DIPK2A: variants seen among roughly 807,000 people sequenced by gnomAD.
DIPK2A encodes divergent protein kinase domain 2A.
Under a neutral mutation model 39.0 loss-of-function variants are expected in DIPK2A, and 27 were observed. The observed-to-expected ratio is 0.69, with a 90% CI of 0.51 to 0.96. The LOEUF (loss-of-function observed/expected upper bound fraction) is 0.96, where lower values mean the gene tolerates loss of function less well. Ranked by LOEUF, DIPK2A falls within the 40% of genes least tolerant of loss-of-function variation. The pLI, the probability that DIPK2A is intolerant of heterozygous loss-of-function variation, is 0.00. For missense variants in DIPK2A, 528 were observed against 571.3 expected (o/e 0.92, Z 0.77); for synonymous variants, 298 against 240.8 (o/e 1.24, Z -2.20).
chr3:143,983,569 A>G (rs1267408481), intron 1 of DIPK2A, among the ~76,000 whole-genome samples: 3 of 152,198 alleles, frequency 2.0e-5, no homozygotes, highest in Admixed American at 1.3e-4. Context: ...TGTTTAGAGG[A>G]AAATCTATAG....
chr3:143,988,453 G>A (rs541832500), intron 2 of DIPK2A, among the ~76,000 whole-genome samples: 61 of 152,140 alleles, frequency 4.0e-4, no homozygotes, highest in African/African-American at 1.2e-3. Context: ...TCCATCTATT[G>A]CCCTTGGTGC....
At chr3:143,977,536 T>C (rs948102900) in intron 1 of DIPK2A, among the ~76,000 whole-genome samples, 4 of 152,038 alleles carry the variant, frequency 2.6e-5, no homozygotes, top group African/African-American at 9.7e-5. Context: ...TGTGAGGCAA[T>C]AGTGTGCAAA....
rs958916226 is a variant in DIPK2A, at chr3:143,971,930, T to C, written c.-403T>C. ...TCCCTCCTTTCCTCGCAGACCCCACTTGTCGTGGCTGGCTGCCGCCGCAGC... is the reference window on the plus strand; with the variant it reads ...TCCCTCCTTTCCTCGCAGACCCCACCTGTCGTGGCTGGCTGCCGCCGCAGC... On this transcript the variant is annotated 5_prime_UTR_variant, in exon 1 of 3. Coordinates refer to ENST00000315691, the MANE Select transcript of DIPK2A (RefSeq NM_173552.5). 5 of 189,896 alleles carry C rather than the reference T, an allele frequency of 2.6e-5. No individual in the cohort carries two copies. Among genetic ancestry groups the C allele is most frequent in the Non-Finnish European group, 5.3e-5 (5 of 93,518 alleles). 11.8% of individuals were successfully genotyped at this position (189,896 alleles called of 1,614,324 possible). A position where few individuals can be genotyped will look rare whatever the true frequency, so the allele number is the denominator to read the frequency against.
At chr3:143,986,862 AT>A (rs1342001959) in intron 2 of DIPK2A, among the ~76,000 whole-genome samples, 1 of 146,258 alleles carries the variant, frequency 6.8e-6, no homozygotes, top group Non-Finnish European at 1.5e-5. Flanking sequence ...AGGGTTTTAT[AT>A]TTTTTAATCC....
At position 143,992,094 on chromosome 3, in the gene DIPK2A, A is replaced by C. The variant is rs2087995988; in HGVS notation, c.*2253A>C. On this transcript the variant is annotated 3_prime_UTR_variant, in exon 3 of 3. Transcript: ENST00000315691. Reference sequence around the variant, plus strand: ...AGGGAAAAATATGTAAGTGAAAAGCAATAAATATTTTGTTCACTTTGCTAT... The same window carrying C: ...AGGGAAAAATATGTAAGTGAAAAGCCATAAATATTTTGTTCACTTTGCTAT... 1 of 152,670 alleles carries C rather than the reference A, an allele frequency of 6.6e-6. No homozygotes were observed. Among genetic ancestry groups the C allele is most frequent in the Non-Finnish European group, 1.5e-5 (1 of 68,038 alleles). 9.5% of individuals were successfully genotyped at this position (152,670 alleles called of 1,614,324 possible).
intron 1 of DIPK2A, chr3:143,973,632 G>A: frequency 1.6e-6 from 2 of 1,268,046 alleles, no homozygotes; most frequent in African/African-American, 1.5e-5. Flanking sequence ...AGGCAGCGTT[G>A]GACTTGGGGC....
chr3:143,976,363 G>GA (rs376616926), intron 1 of DIPK2A, among the ~76,000 whole-genome samples: 4,402 of 148,052 alleles, frequency 0.03, 85 homozygotes, highest in Middle Eastern at 0.049. Flanking sequence ...GTAATCCTAT[G>GA]AAAAAAAAAA....
At chr3:143,984,973 A>G (rs1046360248) in intron 1 of DIPK2A, among the ~76,000 whole-genome samples, 4 of 152,170 alleles carry the variant, frequency 2.6e-5, no homozygotes, top group Non-Finnish European at 5.9e-5. Context: ...CCCCTACTAA[A>G]TGATCCCCTG....
In DIPK2A at chr3:143,990,978, C is replaced by T. The variant is rs1576815824; in HGVS notation, c.*1137C>T. 6.6e-6 allele frequency: 1 copy of T among 152,228 alleles called. No individual in the cohort carries two copies. Among genetic ancestry groups the T allele is most frequent in the East Asian group, 1.9e-4 (1 of 5,206 alleles). The allele number at this position is 152,228 out of a possible 1,614,324, so 9.4% of individuals were successfully genotyped here. A position where few individuals can be genotyped will look rare whatever the true frequency, so the allele number is the denominator to read the frequency against. On this transcript the variant is annotated 3_prime_UTR_variant, in exon 3 of 3. Transcript: ENST00000315691. ...TAGCCATTGTTTGAATTTAATCGGG[C>T]ATCATAACTTTTCATTTATTGAGGA...
intron 1 of DIPK2A, among the ~76,000 whole-genome samples, chr3:143,984,622 G>A (rs1338130391): frequency 6.6e-6 from 1 of 151,988 alleles, no homozygotes; most frequent in East Asian, 1.9e-4. Flanking sequence ...GCAGTGGAAG[G>A]TATCTTAGAT....
intron 1 of DIPK2A, among the ~76,000 whole-genome samples, chr3:143,981,785 A>G (rs569653042): frequency 3.2e-3 from 482 of 152,280 alleles, no homozygotes; most frequent in African/African-American, 0.011. Context: ...GTGTTAATCT[A>G]TCTTTTGAAT....
chr3:143,989,392 A>G, intron 2 of DIPK2A, 118 bp from the exon 3 acceptor site: 1 of 649,700 alleles, frequency 1.5e-6, no homozygotes, highest in Non-Finnish European at 2.6e-6. Flanking sequence ...TGGTTATAAT[A>G]TACTTTTACC....
chr3:143,972,506 C>T lies in DIPK2A; in HGVS notation c.174C>T (p.Cys58=), dbSNP rs769460359. 2 of 1,610,510 alleles carry T rather than the reference C, an allele frequency of 1.2e-6. No individual in the cohort carries two copies. Among genetic ancestry groups the T allele is most frequent in the South Asian group, 1.1e-5 (1 of 90,888 alleles). Reference sequence around the variant, plus strand: ...TGCAGCTCAATAAGTGCCCGGCGTGCTTCGGCACGAGCTGGTGCCGCCGCT... The same window carrying T: ...TGCAGCTCAATAAGTGCCCGGCGTGTTTCGGCACGAGCTGGTGCCGCCGCT... ...RFLQLNKCPA[C]FGTSWCRRFL... Residue 58 remains cysteine (C), a synonymous_variant, in exon 1 of 3, where the codon TGC becomes TGT. Transcript: ENST00000315691.
intron 1 of DIPK2A, among the ~76,000 whole-genome samples, chr3:143,980,935 G>A (rs1290256226): frequency 6.6e-6 from 1 of 152,122 alleles, no homozygotes; most frequent in African/African-American, 2.4e-5. Flanking sequence ...TTTTGGTCAT[G>A]TAGGAGAAAA....
At chr3:143,981,328 G>C (rs1361668162) in intron 1 of DIPK2A, among the ~76,000 whole-genome samples, 2 of 152,134 alleles carry the variant, frequency 1.3e-5, no homozygotes, top group Non-Finnish European at 2.9e-5. Context: ...ATTTCTGTTT[G>C]ATTCTATAAG....
In DIPK2A at chr3:143,992,198, A is replaced by G. The variant is rs1328333022; in HGVS notation, c.*2357A>G. On this transcript the variant is annotated 3_prime_UTR_variant, in exon 3 of 3. Coordinates refer to ENST00000315691, the MANE Select transcript of DIPK2A (RefSeq NM_173552.5). The stretch of plus-strand genomic sequence containing the variant: ...CATTGCCCATTAATAGACGCAGTAA[A>G]ATATTTTTGAATCAGACATTTGGGG... 4 of 152,750 alleles carry G rather than the reference A, an allele frequency of 2.6e-5. No homozygotes were observed. In the East Asian group the frequency reaches 7.7e-4, roughly 29 times the overall value. 9.5% of individuals were successfully genotyped at this position (152,750 alleles called of 1,614,324 possible).
At chr3:143,983,458 C>G (rs1204825252) in intron 1 of DIPK2A, among the ~76,000 whole-genome samples, 3 of 152,136 alleles carry the variant, frequency 2.0e-5, no homozygotes. Context: ...AGAATGACTA[C>G]TGGGTAAATG....
Position 143,989,939 on chromosome 3 carries a change from C to A in DIPK2A, c.*98C>A. The A allele has an allele frequency of 2.3e-6, 2 of 864,088 alleles. No homozygotes were observed. Among genetic ancestry groups the A allele is most frequent in the Non-Finnish European group, 3.6e-6 (2 of 560,564 alleles). The allele number at this position is 864,088 out of a possible 1,614,324, so 53.5% of individuals were successfully genotyped here. A position where few individuals can be genotyped will look rare whatever the true frequency, so the allele number is the denominator to read the frequency against. On this transcript the variant is annotated 3_prime_UTR_variant, in exon 3 of 3. Transcript: ENST00000315691. ...GAAAAAATGAAATTTGGAAGTGTTA[C>A]ATTCAGAGGATGATAAACTTGCACT...
intron 1 of DIPK2A, among the ~76,000 whole-genome samples, chr3:143,982,876 A>G (rs920864254): frequency 3.9e-5 from 6 of 151,930 alleles, no homozygotes; most frequent in African/African-American, 1.4e-4. Context: ...CACACATGAA[A>G]CATTTACCAA....
Sources: gnomAD v4.1 joint callset for allele counts (sites outside exome capture counted in the v4.1 genomes callset) on GRCh38, gnomAD v4.1.1 for gene constraint, MANE v1.5 for transcripts, NCBI Gene and HGNC (gene_info 2026-07-23, HGNC 2026-07-21) for gene names.